LRPPRC: variants seen among roughly 807,000 people sequenced by gnomAD.
LRPPRC encodes the protein leucine rich pentatricopeptide repeat containing.
In LRPPRC, 120 loss-of-function variants were observed where a neutral mutation model predicts 180.3. The ratio of observed to expected loss-of-function variants is 0.67; its 90% CI spans 0.57 to 0.77. The LOEUF (loss-of-function observed/expected upper bound fraction) is 0.77. Ranked by LOEUF, LRPPRC falls within the 30% of genes least tolerant of loss-of-function variation. The pLI, the probability that LRPPRC is intolerant of heterozygous loss-of-function variation, is 0.00. For missense variants in LRPPRC, 2,012 were observed against 1,657.2 expected (o/e 1.21, Z -3.72); for synonymous variants, 723 against 600.0 (o/e 1.21, Z -3.00).
At chr2:43,975,889 C>T (rs1341334939) in intron 6 of LRPPRC, among the ~76,000 whole-genome samples, 1 of 152,018 alleles carries the variant, frequency 6.6e-6, no homozygotes, top group Non-Finnish European at 1.5e-5. Flanking sequence ...GGCTTCAAGC[C>T]CAATTTCTAA....
In LRPPRC at chr2:43,921,663, G is replaced by A. The variant is rs141785533; in HGVS notation, c.2897-3265C>T. On this transcript the variant is annotated intron_variant, in intron 27 of 37. Coordinates refer to ENST00000260665, the MANE Select transcript of LRPPRC (RefSeq NM_133259.4). ...AGTTACGTCTGAGATAAGCGGTTAG[G>A]GGGTGGTGGTGGACACAATGACATT... 6.8e-3 allele frequency among the ~76,000 whole-genome samples: 1,036 copies of A among 152,284 alleles called. 10 individuals carry two copies. Among genetic ancestry groups the A allele is most frequent in the Non-Finnish European group, 9.0e-3 (609 of 68,016 alleles).
At chr2:43,915,060 A>ATAC (rs1671399459) in intron 29 of LRPPRC, among the ~76,000 whole-genome samples, 1 of 37,932 alleles carries the variant, frequency 2.6e-5, no homozygotes, top group Non-Finnish European at 4.1e-5. Context: ...ATACAAAAAA[A>ATAC]AAAAAAAAAA....
At chr2:43,968,259 C>T (rs754091314) in intron 11 of LRPPRC, among the ~76,000 whole-genome samples, 9 of 152,210 alleles carry the variant, frequency 5.9e-5, no homozygotes, top group Non-Finnish European at 8.8e-5. Context: ...TGCTTCCAGA[C>T]GCTTTTACAC....
rs746570290 is a variant in LRPPRC, at chr2:43,925,882, C to A, written c.2805+11G>T. 3 of 1,598,668 alleles carry A rather than the reference C, an allele frequency of 1.9e-6. No individual in the cohort carries two copies. The highest frequency in any genetic ancestry group is 2.2e-5 in the South Asian group (2 of 90,786). ...TTTTAGGTGATTGAGACATCTGAAT[C>A]AAATACAAACCTGATTATTTGCAAC... On this transcript the variant is annotated intron_variant, in intron 26 of 37. Transcript: ENST00000260665.
intron 23 of LRPPRC, among the ~76,000 whole-genome samples, chr2:43,935,980 G>A (rs192927136): frequency 4.5e-4 from 68 of 152,286 alleles, no homozygotes; most frequent in African/African-American, 1.6e-3. Context: ...CTACTCGGGG[G>A]GCTGAGGAGG....
In LRPPRC at chr2:43,925,794, C is replaced by T. The variant is rs914383189; in HGVS notation, c.2805+99G>A. 1.4e-5 allele frequency: 11 copies of T among 802,768 alleles called. No homozygotes were observed. The African/African-American group carries it at 1.5e-4, about 11-fold the overall frequency. The allele number at this position is 802,768 out of a possible 1,614,324, so 49.7% of individuals were successfully genotyped here. A position where few individuals can be genotyped will look rare whatever the true frequency, so the allele number is the denominator to read the frequency against. On this transcript the variant is annotated intron_variant, in intron 26 of 37. Transcript: ENST00000260665. ...CGAGATAAACACTGCTTCCACAATG[C>T]CCTGTCTCTCGAAGTCCCCAAATCT...
intron 14 of LRPPRC, among the ~76,000 whole-genome samples, chr2:43,951,018 C>T (rs988464149): frequency 3.3e-5 from 5 of 151,966 alleles, no homozygotes; most frequent in Non-Finnish European, 7.4e-5. Flanking sequence ...TGCAGTGAGC[C>T]GAGATCGTGC....
At chr2:43,938,207 C>A (rs542927807) in intron 23 of LRPPRC, among the ~76,000 whole-genome samples, 1 of 151,628 alleles carries the variant, frequency 6.6e-6, no homozygotes, top group African/African-American at 2.4e-5. Flanking sequence ...ATCAAGACAC[C>A]CCCCTCAAAA....
intron 35 of LRPPRC, 68 bp from the exon 36 acceptor site, chr2:43,894,697 TCAA>T (rs1429801904): frequency 2.5e-6 from 2 of 799,204 alleles, no homozygotes; most frequent in African/African-American, 3.4e-5. Context: ...CACTGACAAA[TCAA>T]CACTATATTA....
Position 43,934,204 on chromosome 2 carries a change from T to G in LRPPRC, c.2722A>C (p.Lys908Gln), listed in dbSNP as rs1287648018. Residue 908 changes from lysine (K) to glutamine (Q), a missense_variant, in exon 25 of 38, where the codon AAG (lysine) becomes CAG (glutamine). Coordinates refer to ENST00000260665, the MANE Select transcript of LRPPRC (RefSeq NM_133259.4). ...FLQTGNYKEA[K>Q]KIIETPGIRA... is the part of the protein sequence containing the mutation. Reference sequence around the variant, plus strand: ...TAAAATCACACCTCAATGATCTTCTTGGCCTCTTTGTAATTTCCTGTTTGT... The same window carrying G: ...TAAAATCACACCTCAATGATCTTCTGGGCCTCTTTGTAATTTCCTGTTTGT... 1 of 1,592,070 alleles carries G rather than the reference T, an allele frequency of 6.3e-7. No homozygotes were observed. The highest frequency in any genetic ancestry group is 8.6e-7 in the Non-Finnish European group (1 of 1,160,506).
chr2:43,995,442 C>T (rs1674999097), intron 1 of LRPPRC, among the ~76,000 whole-genome samples: 1 of 152,184 alleles, frequency 6.6e-6, no homozygotes, highest in Admixed American at 6.5e-5. Flanking sequence ...GGGACACCAC[C>T]CAAGCTGGCC....
chr2:43,962,013 T>TTG (rs1348001428), intron 12 of LRPPRC, among the ~76,000 whole-genome samples: 1 of 152,182 alleles, frequency 6.6e-6, no homozygotes, highest in Non-Finnish European at 1.5e-5. Context: ...ATTAAGCACT[T>TTG]AACAGAGTAG....
At chr2:43,980,805 A>T (rs1283902172) in intron 2 of LRPPRC, among the ~76,000 whole-genome samples, 2 of 152,204 alleles carry the variant, frequency 1.3e-5, no homozygotes, top group African/African-American at 4.8e-5. Flanking sequence ...GCAAACCTAC[A>T]GGGACAGAAA....
At chr2:43,947,834 A>G in intron 18 of LRPPRC, 59 bp from the exon 19 acceptor site, 2 of 1,105,370 alleles carry the variant, frequency 1.8e-6, no homozygotes, top group Non-Finnish European at 2.8e-6. Context: ...ATACATCAGC[A>G]AACATCAAAA....
intron 3 of LRPPRC, among the ~76,000 whole-genome samples, chr2:43,979,140 T>A (rs1449990973): frequency 6.7e-6 from 1 of 148,826 alleles, no homozygotes; most frequent in Non-Finnish European, 1.5e-5. Flanking sequence ...ATACGTACTA[T>A]GTTACATGAC....
intron 1 of LRPPRC, 133 bp downstream of exon 1, chr2:43,995,666 A>G: frequency 1.2e-6 from 1 of 850,234 alleles, no homozygotes; most frequent in South Asian, 2.9e-5. Flanking sequence ...CGTGGTGCGG[A>G]GCCCGGGGAG....
chr2:43,916,744 A>G (rs1671482229), intron 29 of LRPPRC, among the ~76,000 whole-genome samples: 1 of 151,912 alleles, frequency 6.6e-6, no homozygotes, highest in African/African-American at 2.4e-5. Context: ...ACTTGAGCTC[A>G]GGAGTTTAAG....
intron 27 of LRPPRC, among the ~76,000 whole-genome samples, chr2:43,920,841 T>C (rs1005143438): frequency 6.6e-6 from 1 of 152,178 alleles, no homozygotes; most frequent in Non-Finnish European, 1.5e-5. Flanking sequence ...GATTAGTTAT[T>C]CTAAACAATA....
chr2:43,979,762 C>A (rs1674220389), intron 3 of LRPPRC, 64 bp downstream of exon 3: 2 of 1,479,032 alleles, frequency 1.4e-6, no homozygotes, highest in South Asian at 1.2e-5. Flanking sequence ...TAAACAAACA[C>A]TTTTTTGCAA....
Sources: allele counts gnomAD v4.1 joint callset (sites outside exome capture counted in the v4.1 genomes callset), GRCh38; gene constraint gnomAD v4.1.1; transcripts MANE v1.5; gene names NCBI Gene and HGNC (gene_info 2026-07-23, HGNC 2026-07-21).